CCNE1: variants seen among roughly 807,000 people sequenced by gnomAD.
The protein encoded by CCNE1 is G1/S-specific cyclin-E1.
Under a neutral mutation model 54.1 loss-of-function variants are expected in CCNE1, and 8 were observed. The observed-to-expected ratio is 0.15, with a 90% CI of 0.09 to 0.27. CCNE1 has a LOEUF of 0.27. Among genes scored for constraint, CCNE1 ranks in the 10% least tolerant of loss-of-function variants. The pLI, the probability that CCNE1 is intolerant of heterozygous loss-of-function variation, is 1.00. For synonymous variants in CCNE1, 179 were observed against 185.2 expected (o/e 0.97, Z 0.27); for missense variants, 430 against 514.9 (o/e 0.84, Z 1.60).
chr19:29,823,917 A>G lies in CCNE1; in HGVS notation c.*140A>G, dbSNP rs546729018. ...TTCCACAACAGAAGTATTTCTGTGGATGGCATCAAACAGGGCAAAGTGTTT... is the reference window on the plus strand; with the variant it reads ...TTCCACAACAGAAGTATTTCTGTGGGTGGCATCAAACAGGGCAAAGTGTTT... On this transcript the variant is annotated 3_prime_UTR_variant, in exon 12 of 12. Transcript: ENST00000262643. The G allele has an allele frequency of 1.0e-4, 103 of 988,290 alleles. 1 individual carries two copies. The South Asian group carries it at 1.1e-3, about 11-fold the overall frequency. 61.2% of individuals were successfully genotyped at this position (988,290 alleles called of 1,614,324 possible). A position where few individuals can be genotyped will look rare whatever the true frequency, so the allele number is the denominator to read the frequency against.
At chr19:29,822,943 CAAA>C (rs11292796) in intron 11 of CCNE1, among the ~76,000 whole-genome samples, 1 of 143,156 alleles carries the variant, frequency 7.0e-6, no homozygotes, top group African/African-American at 2.5e-5. Context: ...AACTATGTCT[CAAA>C]AAAAAAAAAA....
chr19:29,823,540 C>T, intron 11 of CCNE1, 115 bp from the exon 12 acceptor site: 1 of 819,860 alleles, frequency 1.2e-6, no homozygotes. Flanking sequence ...GAAAGCAAGT[C>T]TCCATCTTGA....
Position 29,812,776 on chromosome 19 carries a change from T to A in CCNE1, c.111T>A (p.Val37=). ...RSRKRKANVT[V]FLQDPDEEMA... ...GGAAGAGGAAGGCAAACGTGACCGT[T>A]GTGAGTACAAAAGAGACAGGTTGGG... Residue 37 remains valine, a splice_region_variant and synonymous_variant, in exon 3 of 12, where the codon GTT becomes GTA. Transcript: ENST00000262643. 6.3e-7 allele frequency: 1 copy of A among 1,588,430 alleles called. No individual in the cohort carries two copies. The highest frequency in any genetic ancestry group is 8.5e-7 in the Non-Finnish European group (1 of 1,169,846).
intron 4 of CCNE1, among the ~76,000 whole-genome samples, chr19:29,814,031 G>A (rs1048346594): frequency 3.9e-5 from 6 of 152,178 alleles, no homozygotes; most frequent in South Asian, 2.1e-4. Context: ...GCAGTGCGCC[G>A]TGTTCTAAAT....
rs376587936 is a variant in CCNE1, at chr19:29,822,430, G to A, written c.953-16G>A. On this transcript the variant is annotated splice_polypyrimidine_tract_variant and intron_variant, in intron 10 of 11. Transcript: ENST00000262643. ...GTTGTCAGCCTCAGATTAAGCCCAC[G>A]ATGTCTTCACTGCAGGGTATCAGTG... is the stretch of plus-strand genomic sequence containing the variant. The A allele has an allele frequency of 3.5e-4, 558 of 1,613,892 alleles. 5 individuals are homozygous for A. The South Asian group carries it at 5.7e-3, about 16-fold the overall frequency.
intron 6 of CCNE1, among the ~76,000 whole-genome samples, chr19:29,818,115 C>T (rs1174634889): frequency 3.3e-5 from 5 of 151,618 alleles, no homozygotes; most frequent in Middle Eastern, 3.4e-3. Context: ...CAAGCTCCTC[C>T]TCCCGGGTTC....
intron 6 of CCNE1, 147 bp downstream of exon 6, chr19:29,817,688 G>T: frequency 5.0e-6 from 4 of 807,488 alleles, no homozygotes; most frequent in South Asian, 2.0e-5. Flanking sequence ...TGGTCTTTCT[G>T]TTTTGCTTGT....
chr19:29,820,547 CA>C (rs536843912), intron 6 of CCNE1, among the ~76,000 whole-genome samples, 154 bp from the exon 7 acceptor site: 11 of 136,896 alleles, frequency 8.0e-5, no homozygotes, highest in African/African-American at 1.6e-4. Flanking sequence ...TAAGGCACCT[CA>C]AAAAAAAAAC....
chr19:29,818,650 C>G (rs1974081502), intron 6 of CCNE1, among the ~76,000 whole-genome samples: 1 of 152,102 alleles, frequency 6.6e-6, no homozygotes. Flanking sequence ...CAAATCCTGG[C>G]TGGGCACAGT....
chr19:29,814,911 G>C (rs1441279660), intron 4 of CCNE1, among the ~76,000 whole-genome samples: 1 of 152,158 alleles, frequency 6.6e-6, no homozygotes, highest in East Asian at 1.9e-4. Flanking sequence ...GTGGAATCCT[G>C]GACTGTTACT....
chr19:29,820,580 T>G, intron 6 of CCNE1, 122 bp from the exon 7 acceptor site: 1 of 700,314 alleles, frequency 1.4e-6, no homozygotes, highest in Admixed American at 3.0e-5. Context: ...AAACTATCAA[T>G]TGTTGAGTTC....
chr19:29,817,096 T>G lies in CCNE1; in HGVS notation c.181-41T>G, dbSNP rs764883335. The G allele has an allele frequency of 1.9e-6, 3 of 1,599,980 alleles. No individual in the cohort carries two copies. The African/African-American group carries it at 4.0e-5, about 21-fold the overall frequency. ...GTTTTTGGGTAATGTAAGAGCTGTT[T>G]GCATCTTATCTCACCTCTCCTGTGT... On this transcript the variant is annotated intron_variant, in intron 4 of 11. Coordinates refer to ENST00000262643, the MANE Select transcript of CCNE1 (RefSeq NM_001238.4).
intron 7 of CCNE1, among the ~76,000 whole-genome samples, 162 bp from the exon 8 acceptor site, chr19:29,821,560 T>C (rs1171564370): frequency 6.6e-6 from 1 of 150,560 alleles, no homozygotes; most frequent in Non-Finnish European, 1.5e-5. Context: ...TTTTTTTTTT[T>C]TTTTTTTTTT....
At chr19:29,821,662 A>C (rs1006732131) in intron 7 of CCNE1, 60 bp from the exon 8 acceptor site, 12 of 972,544 alleles carry the variant, frequency 1.2e-5, no homozygotes, top group Non-Finnish European at 2.0e-5. Context: ...TGGATGCATT[A>C]TAAATTGAGA....
chr19:29,822,710 G>A (rs1194798974), intron 11 of CCNE1, 107 bp downstream of exon 11: 14 of 1,069,344 alleles, frequency 1.3e-5, no homozygotes, highest in African/African-American at 3.2e-5. Context: ...TTGGGAGGCC[G>A]AGGTGGGCCG....
intron 8 of CCNE1, 38 bp downstream of exon 8, chr19:29,821,855 C>T (rs374243076): frequency 1.8e-5 from 27 of 1,525,212 alleles, no homozygotes; most frequent in Non-Finnish European, 2.3e-5. Context: ...TTTTTAAATG[C>T]GTACGGCAGA....
At chr19:29,822,830 G>A (rs1346014830) in intron 11 of CCNE1, among the ~76,000 whole-genome samples, 1 of 152,034 alleles carries the variant, frequency 6.6e-6, no homozygotes, top group African/African-American at 2.4e-5. Flanking sequence ...TGTAGTCCCA[G>A]CTACTCGAGA....
chr19:29,814,670 C>A (rs1205550635), intron 4 of CCNE1, among the ~76,000 whole-genome samples: 3 of 152,152 alleles, frequency 2.0e-5, no homozygotes, highest in Admixed American at 1.3e-4. Context: ...TGCTCACATA[C>A]AGAATTTTTC....
At position 29,817,415 on chromosome 19, in the gene CCNE1, T is replaced by C; in HGVS notation, c.336T>C (p.Asn112=). 6.2e-7 allele frequency: 1 copy of C among 1,614,106 alleles called. No individual in the cohort carries two copies. Among genetic ancestry groups the C allele is most frequent in the Non-Finnish European group, 8.5e-7 (1 of 1,180,022 alleles). The part of the protein sequence containing the change: ...GSPLPVLSWA[N]REEVWKIMLN... Reference sequence around the variant, plus strand: ...GTGTGTTTTGTTGTAGCTGGGCAAATAGAGAGGAAGTCTGGAAAATCATGT... The same window carrying C: ...GTGTGTTTTGTTGTAGCTGGGCAAACAGAGAGGAAGTCTGGAAAATCATGT... Residue 112 remains asparagine (N), a synonymous_variant, in exon 6 of 12, where the codon AAT becomes AAC. Coordinates refer to ENST00000262643, the MANE Select transcript of CCNE1 (RefSeq NM_001238.4).
Sources: gnomAD v4.1 joint callset for allele counts (sites outside exome capture counted in the v4.1 genomes callset) on GRCh38, gnomAD v4.1.1 for gene constraint, MANE v1.5 for transcripts, NCBI Gene and HGNC (gene_info 2026-07-23, HGNC 2026-07-21) for gene names.